Variants in PLD5 observed in about 807,000 individuals in gnomAD.
PLD5 encodes inactive phospholipase D5.
Under a neutral mutation model 61.1 loss-of-function variants are expected in PLD5, and 36 were observed. The observed-to-expected ratio is 0.59, with a 90% CI of 0.45 to 0.78. The LOEUF (loss-of-function observed/expected upper bound fraction) is 0.78. PLD5 is among the 30% of genes least tolerant of loss of function. The pLI, the probability that PLD5 is intolerant of heterozygous loss-of-function variation, is 0.00. For missense variants in PLD5, 515 were observed against 644.4 expected (o/e 0.80, Z 2.17); for synonymous variants, 243 against 242.8 (o/e 1.00, Z -0.01).
At chr1:242,268,154 T>C (rs1489363006) in intron 3 of PLD5, among the ~76,000 whole-genome samples, 1 of 152,106 alleles carries the variant, frequency 6.6e-6, no homozygotes, top group African/African-American at 2.4e-5. Flanking sequence ...CTTTTCAGCT[T>C]TGGCACTCCT....
chr1:242,194,434 A>G (rs1359884981), intron 5 of PLD5, among the ~76,000 whole-genome samples: 1 of 152,184 alleles, frequency 6.6e-6, no homozygotes, highest in African/African-American at 2.4e-5. Context: ...TACCCAGAGG[A>G]AAAGAAGTCA....
At chr1:242,247,616 G>A (rs1028645825) in intron 4 of PLD5, among the ~76,000 whole-genome samples, 2 of 152,150 alleles carry the variant, frequency 1.3e-5, no homozygotes, top group African/African-American at 4.8e-5. Context: ...CTTCTAGGAG[G>A]ACATGAGTTG....
At chr1:242,390,538 G>A (rs1352326350) in intron 1 of PLD5, among the ~76,000 whole-genome samples, 6 of 152,078 alleles carry the variant, frequency 3.9e-5, no homozygotes, top group African/African-American at 1.2e-4. Context: ...CTTTGATGCC[G>A]AAGTCAAAGT....
intron 5 of PLD5, among the ~76,000 whole-genome samples, chr1:242,143,960 C>T (rs947878426): frequency 6.7e-6 from 1 of 150,126 alleles, no homozygotes; most frequent in African/African-American, 2.4e-5. Flanking sequence ...CATGCCTCAG[C>T]CTCTCAAGTA....
intron 1 of PLD5, among the ~76,000 whole-genome samples, chr1:242,520,357 G>A (rs541272081): frequency 6.6e-5 from 10 of 152,256 alleles, no homozygotes; most frequent in Admixed American, 6.5e-4. Flanking sequence ...CTGACATTTG[G>A]AGAATGTTCG....
chr1:242,426,902 G>A (rs562008052), intron 1 of PLD5, among the ~76,000 whole-genome samples: 32 of 152,220 alleles, frequency 2.1e-4, no homozygotes, highest in Non-Finnish European at 4.3e-4. Context: ...CCACCACCAG[G>A]CCTAGCCAGT....
Position 242,106,560 on chromosome 1 carries a change from G to C in PLD5, c.1239+1111C>G, listed in dbSNP as rs145832303. 4.7e-3 allele frequency among the ~76,000 whole-genome samples: 708 copies of C among 152,252 alleles called. 7 individuals carry two copies. Among genetic ancestry groups the C allele is most frequent in the Middle Eastern group, 0.01 (3 of 294 alleles). On this transcript the variant is annotated intron_variant, in intron 8 of 9. Coordinates refer to ENST00000536534, the MANE Select transcript of PLD5 (RefSeq NM_001372062.1). ...GCATGGCCATGTGAAAGCTATCCAG[G>C]CAGTGGAATGAAGGCTAAAGGGATG... is the stretch of plus-strand genomic sequence containing the variant.
At position 242,453,053 on chromosome 1, in the gene PLD5, T is replaced by C. The variant is rs182049240; in HGVS notation, c.189+71035A>G. 2.3e-3 allele frequency among the ~76,000 whole-genome samples: 349 copies of C among 152,360 alleles called. 2 individuals carry two copies. Among genetic ancestry groups the C allele is most frequent in the African/African-American group, 7.8e-3 (323 of 41,594 alleles). On this transcript the variant is annotated intron_variant, in intron 1 of 9. Coordinates refer to ENST00000536534, the MANE Select transcript of PLD5 (RefSeq NM_001372062.1). The stretch of plus-strand genomic sequence containing the variant: ...AATTTCACGATTGTCAGAATGTTTG[T>C]GGCCCCCTCCACATTCGTATGTTGA...
chr1:242,410,031 C>T (rs1370878809), intron 1 of PLD5, among the ~76,000 whole-genome samples: 2 of 152,142 alleles, frequency 1.3e-5, no homozygotes, highest in African/African-American at 2.4e-5. Flanking sequence ...CCCCTTTTCC[C>T]CTCTAGCTGC....
At chr1:242,331,688 T>G (rs1183192020) in intron 2 of PLD5, among the ~76,000 whole-genome samples, 1 of 152,068 alleles carries the variant, frequency 6.6e-6, no homozygotes, top group African/African-American at 2.4e-5. Flanking sequence ...ATAAATTGAG[T>G]GTGTCTTATA....
chr1:242,107,498 T>C (rs539688709), intron 8 of PLD5, among the ~76,000 whole-genome samples, 173 bp downstream of exon 8: 19 of 35,548 alleles, frequency 5.3e-4, no homozygotes, highest in African/African-American at 3.8e-3. Flanking sequence ...AAACATGAGC[T>C]CTACTCTTTT....
intron 5 of PLD5, among the ~76,000 whole-genome samples, chr1:242,144,027 G>C (rs1011839101): frequency 6.6e-6 from 1 of 151,560 alleles, no homozygotes; most frequent in African/African-American, 2.4e-5. Flanking sequence ...CCGCCACCAC[G>C]CCTGGCTAAT....
At chr1:242,194,034 G>T (rs1668444862) in intron 5 of PLD5, among the ~76,000 whole-genome samples, 1 of 152,080 alleles carries the variant, frequency 6.6e-6, no homozygotes, top group South Asian at 2.1e-4. Context: ...ATAGCTCCTT[G>T]ACCCATCCGC....
intron 3 of PLD5, among the ~76,000 whole-genome samples, chr1:242,274,675 A>T (rs2149117837): frequency 6.6e-6 from 1 of 152,156 alleles, no homozygotes; most frequent in Non-Finnish European, 1.5e-5. Flanking sequence ...AATGGCGTGA[A>T]CCCGGGAAGC....
intron 4 of PLD5, among the ~76,000 whole-genome samples, chr1:242,243,043 A>G (rs563256170): frequency 3.6e-4 from 55 of 152,200 alleles, no homozygotes; most frequent in Non-Finnish European, 6.6e-4. Context: ...TTCTCAGGCA[A>G]TTTCATCTGA....
intron 5 of PLD5, among the ~76,000 whole-genome samples, chr1:242,183,811 C>T (rs1287530531): frequency 6.6e-6 from 1 of 152,104 alleles, no homozygotes; most frequent in Non-Finnish European, 1.5e-5. Flanking sequence ...AGTAGAATGG[C>T]GTGAACCCGG....
At chr1:242,494,387 T>C (rs138113794) in intron 1 of PLD5, among the ~76,000 whole-genome samples, 37 of 152,252 alleles carry the variant, frequency 2.4e-4, no homozygotes, top group Middle Eastern at 3.4e-3. Flanking sequence ...CCTCTGCTTT[T>C]GGATAAAGGC....
In PLD5 at chr1:242,308,251, A is replaced by G. The variant is rs1168856928; in HGVS notation, c.327-19721T>C. Among the ~76,000 whole-genome samples, 2 of 152,040 alleles carry G rather than the reference A, an allele frequency of 1.3e-5. 1 individual carries two copies. The highest frequency in any genetic ancestry group is 2.9e-5 in the Non-Finnish European group (2 of 68,000). Reference sequence around the variant, plus strand: ...GTCTATGAAAAACTTCAATCTTGCAATTCTCTAATCTTGGAAGTTTAAAAA... The same window carrying G: ...GTCTATGAAAAACTTCAATCTTGCAGTTCTCTAATCTTGGAAGTTTAAAAA... On this transcript the variant is annotated intron_variant, in intron 2 of 9. Transcript: ENST00000536534.
chr1:242,440,287 G>A (rs369631530), intron 1 of PLD5, among the ~76,000 whole-genome samples: 2 of 152,108 alleles, frequency 1.3e-5, no homozygotes, highest in Non-Finnish European at 2.9e-5. Context: ...GTTTGGTTTC[G>A]CCAAGCATGT....
Sources: allele counts gnomAD v4.1 joint callset (sites outside exome capture counted in the v4.1 genomes callset), GRCh38; gene constraint gnomAD v4.1.1; transcripts MANE v1.5; gene names NCBI Gene and HGNC (gene_info 2026-07-23, HGNC 2026-07-21).